Variants in IL1RAPL1 observed in about 807,000 individuals in gnomAD.
IL1RAPL1 encodes the protein interleukin-1 receptor accessory protein-like 1.
IL1RAPL1 carries 3 observed loss-of-function variants against 48.4 expected under a neutral mutation model. The observed-to-expected ratio is 0.06, with a 90% CI of 0.03 to 0.16. IL1RAPL1 has a LOEUF of 0.16. IL1RAPL1 is among the 10% of genes least tolerant of loss of function. The probability of loss-of-function intolerance (pLI) is 1.00; values close to 1 mark genes in which losing one functional copy is unlikely to be tolerated. For missense variants in IL1RAPL1, 349 were observed against 530.6 expected, an observed-to-expected ratio of 0.66 and a Z score of 3.36; for synonymous variants, 185 against 187.7, an observed-to-expected ratio of 0.99 and a Z score of 0.12.
At chrX:29,166,028 C>T (rs934734888) in intron 2 of IL1RAPL1, among the ~76,000 whole-genome samples, 1 of 112,752 alleles carries the variant, frequency 8.9e-6, no homozygotes, top group Non-Finnish European at 1.9e-5. Context: ...ATTATCATTA[C>T]ACATTGTCTA....
At chrX:29,628,417 C>G (rs1327190183) in intron 5 of IL1RAPL1, among the ~76,000 whole-genome samples, 1 of 111,603 alleles carries the variant, frequency 9.0e-6, no homozygotes, top group African/African-American at 3.3e-5. Flanking sequence ...GAGGGACTAT[C>G]AATGATCTGA....
At chrX:29,588,038 C>T (rs1277134812) in intron 5 of IL1RAPL1, among the ~76,000 whole-genome samples, 1 of 112,627 alleles carries the variant, frequency 8.9e-6, no homozygotes, top group Non-Finnish European at 1.9e-5. Context: ...TGTGGCAATG[C>T]TTACAGTGGT....
intron 2 of IL1RAPL1, among the ~76,000 whole-genome samples, chrX:29,186,601 G>A (rs1485977073): frequency 9.0e-6 from 1 of 111,050 alleles, no homozygotes; most frequent in Admixed American, 9.7e-5. Flanking sequence ...AAGTTACCAC[G>A]GTTGCAGGAA....
intron 2 of IL1RAPL1, among the ~76,000 whole-genome samples, chrX:29,105,501 A>C (rs1602058939): frequency 1.8e-5 from 2 of 112,253 alleles, no homozygotes; most frequent in Middle Eastern, 4.6e-3. Flanking sequence ...TGCTACAGAT[A>C]ATCACAGAAG....
At chrX:29,905,513 TTTC>T (rs1932591393) in intron 6 of IL1RAPL1, among the ~76,000 whole-genome samples, 2 of 26,102 alleles carry the variant, frequency 7.7e-5, no homozygotes, top group East Asian at 1.0e-3. Flanking sequence ...CATTTAAGTC[TTTC>T]TTTAATCCGT....
intron 6 of IL1RAPL1, among the ~76,000 whole-genome samples, chrX:29,885,818 C>CA (rs1184185654): frequency 1.8e-5 from 2 of 110,009 alleles, no homozygotes; most frequent in African/African-American, 6.6e-5. Context: ...GACCCTGTCT[C>CA]AAAAAAACGC....
chrX:29,766,716 G>A (rs867362855), intron 6 of IL1RAPL1, among the ~76,000 whole-genome samples: 3,530 of 58,210 alleles, frequency 0.061, 180 homozygotes, highest in African/African-American at 0.29. Context: ...TATAATATAT[G>A]ATATAAACAA....
chrX:29,449,900 G>A lies in IL1RAPL1; in HGVS notation c.703+50592G>A, dbSNP rs1285023337. On this transcript the variant is annotated intron_variant, in intron 5 of 10. Transcript: ENST00000378993. ...AAAGTATTTGACTAAAATAAAAAAAGAGGAAGGAAATAATTTAAAAATGGA... is the reference window on the plus strand; with the variant it reads ...AAAGTATTTGACTAAAATAAAAAAAAAGGAAGGAAATAATTTAAAAATGGA... Among the ~76,000 whole-genome samples the A allele has an allele frequency of 1.4e-4, 15 of 107,283 alleles. No individual in the cohort carries two copies. In the Admixed American group the frequency reaches 1.5e-3, roughly 11 times the overall value. 93.2% of individuals were successfully genotyped at this position (107,283 alleles called of 115,157 possible).
At chrX:28,675,377 G>A (rs1934986513) in intron 1 of IL1RAPL1, among the ~76,000 whole-genome samples, 1 of 110,977 alleles carries the variant, frequency 9.0e-6, no homozygotes, top group African/African-American at 3.3e-5. Flanking sequence ...TTTAACCCCC[G>A]CTGTGTCTCT....
At chrX:29,005,924 T>C (rs1377241170) in intron 2 of IL1RAPL1, among the ~76,000 whole-genome samples, 1 of 112,146 alleles carries the variant, frequency 8.9e-6, no homozygotes, top group African/African-American at 3.2e-5. Context: ...TTTACTACAA[T>C]ATACTCTTCT....
intron 3 of IL1RAPL1, among the ~76,000 whole-genome samples, chrX:29,333,668 G>A (rs1278720326): frequency 2.6e-5 from 2 of 77,229 alleles, no homozygotes; most frequent in African/African-American, 5.8e-5. Context: ...GGGCAGAGGC[G>A]CCCCTCACCT....
chrX:29,455,552 A>G (rs1244468849), intron 5 of IL1RAPL1, among the ~76,000 whole-genome samples: 1 of 111,896 alleles, frequency 8.9e-6, no homozygotes, highest in Non-Finnish European at 1.9e-5. Flanking sequence ...GCATCAAAAT[A>G]AGCTTGAAAG....
At chrX:29,576,899 C>CAAA (rs35355239) in intron 5 of IL1RAPL1, among the ~76,000 whole-genome samples, 5 of 105,613 alleles carry the variant, frequency 4.7e-5, no homozygotes, top group African/African-American at 1.7e-4. Flanking sequence ...TTGTTGGTTA[C>CAAA]AAAAAAAAAA....
intron 2 of IL1RAPL1, among the ~76,000 whole-genome samples, chrX:28,835,321 T>C (rs1187017546): frequency 9.0e-6 from 1 of 111,025 alleles, no homozygotes; most frequent in East Asian, 2.8e-4. Flanking sequence ...GAATATTAAA[T>C]AATTTTTTGA....
chrX:28,730,215 A>T (rs1433043667), intron 1 of IL1RAPL1, among the ~76,000 whole-genome samples: 2 of 111,673 alleles, frequency 1.8e-5, no homozygotes, highest in African/African-American at 6.5e-5. Flanking sequence ...AACTTTTATG[A>T]TAGGAAATTC....
At chrX:29,270,234 G>A (rs912281035) in intron 2 of IL1RAPL1, among the ~76,000 whole-genome samples, 4 of 111,744 alleles carry the variant, frequency 3.6e-5, no homozygotes, top group South Asian at 3.7e-4. Context: ...GTGTATAGAC[G>A]TAGAGTTTTC....
chrX:29,060,702 A>G (rs983517197), intron 2 of IL1RAPL1, among the ~76,000 whole-genome samples: 3 of 111,861 alleles, frequency 2.7e-5, no homozygotes, highest in Non-Finnish European at 3.8e-5. Flanking sequence ...TACCTTCTCT[A>G]ATATCTCCCC....
chrX:29,955,601 C>T lies in IL1RAPL1; in HGVS notation c.1872C>T (p.Tyr624=), dbSNP rs1452510962. 2 of 1,204,533 alleles carry T rather than the reference C, an allele frequency of 1.7e-6. No individual in the cohort carries two copies. Among genetic ancestry groups the T allele is most frequent in the South Asian group, 1.8e-5 (1 of 56,102 alleles). The change falls in exon 11 of 11, where the codon TAC becomes TAT. Residue 624 remains tyrosine, a synonymous_variant. Transcript: ENST00000378993. ...TYHSQMRQKH[Y]YRSYEYDVPP... ...ATTCACAAATGCGTCAGAAACACTA[C>T]TACCGAAGCTATGAGTACGACGTAC... is the stretch of plus-strand genomic sequence containing the variant.
intron 3 of IL1RAPL1, among the ~76,000 whole-genome samples, chrX:29,372,494 C>T (rs979993047): frequency 1.8e-5 from 2 of 111,478 alleles, no homozygotes; most frequent in Non-Finnish European, 3.8e-5. Context: ...TGTCAGTGCC[C>T]ATGTTGAGAA....
Sources: gnomAD v4.1 joint callset for allele counts (sites outside exome capture counted in the v4.1 genomes callset) on GRCh38, gnomAD v4.1.1 for gene constraint, MANE v1.5 for transcripts, NCBI Gene and HGNC (gene_info 2026-07-23, HGNC 2026-07-21) for gene names.